The following CDH13 variants were observed in gnomAD, a reference collection of about 807,000 sequenced individuals.
CDH13 encodes cadherin 13, also known as cadherin-13.
CDH13 carries 24 observed loss-of-function variants against 63.8 expected under a neutral mutation model. The ratio of observed to expected loss-of-function variants is 0.38; its 90% CI spans 0.27 to 0.53. CDH13 has a LOEUF of 0.53. CDH13 is among the 20% of genes least tolerant of loss of function. The probability of loss-of-function intolerance (pLI) is 0.85; values close to 1 mark genes in which losing one functional copy is unlikely to be tolerated. For missense variants in CDH13, 1,049 were observed against 903.1 expected, an observed-to-expected ratio of 1.16 and a Z score of -2.07; for synonymous variants, 503 against 355.3, an observed-to-expected ratio of 1.42 and a Z score of -4.67.
chr16:83,572,146 A>T (rs1042665294), intron 7 of CDH13, among the ~76,000 whole-genome samples: 1 of 147,326 alleles, frequency 6.8e-6, no homozygotes. Flanking sequence ...CTAATTGATA[A>T]CTAGGTATTT....
At chr16:82,884,685 A>G (rs1418856563) in intron 2 of CDH13, among the ~76,000 whole-genome samples, 3 of 152,246 alleles carry the variant, frequency 2.0e-5, no homozygotes, top group Non-Finnish European at 2.9e-5. Flanking sequence ...ATGCAATTGA[A>G]CTGGAAACAG....
chr16:83,267,922 G>C (rs1338976370), intron 5 of CDH13, among the ~76,000 whole-genome samples: 1 of 152,208 alleles, frequency 6.6e-6, no homozygotes, highest in Admixed American at 6.5e-5. Context: ...CAGACCAAGT[G>C]AAGTGTCTCT....
At chr16:83,192,298 G>A (rs772254953) in intron 4 of CDH13, among the ~76,000 whole-genome samples, 3 of 152,192 alleles carry the variant, frequency 2.0e-5, no homozygotes, top group Non-Finnish European at 4.4e-5. Context: ...CGTAGTGTCT[G>A]TTGTGTGTCA....
At chr16:82,747,802 C>A (rs565617545) in intron 1 of CDH13, among the ~76,000 whole-genome samples, 20 of 152,302 alleles carry the variant, frequency 1.3e-4, no homozygotes, top group African/African-American at 4.8e-4. Context: ...TTAGGAATAG[C>A]AGAGTATTAG....
At chr16:82,797,295 C>T (rs1334697288) in intron 1 of CDH13, among the ~76,000 whole-genome samples, 1 of 152,158 alleles carries the variant, frequency 6.6e-6, no homozygotes, top group Non-Finnish European at 1.5e-5. Context: ...TGTGGTTCAA[C>T]AGTACAGTGG....
At chr16:83,654,759 C>G (rs1323556401) in intron 8 of CDH13, 1 of 152,262 alleles carries the variant, frequency 6.6e-6, no homozygotes, top group African/African-American at 2.4e-5. Flanking sequence ...CATTCGTCCC[C>G]TTTCTGCATT....
intron 3 of CDH13, among the ~76,000 whole-genome samples, chr16:83,039,004 G>C (rs1370203363): frequency 6.6e-6 from 1 of 152,168 alleles, no homozygotes; most frequent in Non-Finnish European, 1.5e-5. Flanking sequence ...TGTACCTCCA[G>C]GCTTCGTCTT....
chr16:83,774,754 G>A (rs1914990966), intron 11 of CDH13, among the ~76,000 whole-genome samples: 1 of 152,206 alleles, frequency 6.6e-6, no homozygotes, highest in African/African-American at 2.4e-5. Context: ...GAGACAAGGA[G>A]TGGAATGGTG....
intron 1 of CDH13, among the ~76,000 whole-genome samples, chr16:82,728,658 G>T (rs2033232243): frequency 6.6e-6 from 1 of 152,120 alleles, no homozygotes; most frequent in Non-Finnish European, 1.5e-5. Context: ...GATGGTTTCT[G>T]GCTGATCAGG....
In CDH13 at chr16:83,471,566, G is replaced by A. The variant is rs76563748; in HGVS notation, c.782-14911G>A. ...TGGGATTACAGGCGTGAGCCACCTC[G>A]CCTGGCCTTTCTAACCACACTTTTA... is the stretch of plus-strand genomic sequence containing the variant. On this transcript the variant is annotated intron_variant, in intron 6 of 13. Transcript: ENST00000567109. Among the ~76,000 whole-genome samples, 1,180 of 152,236 alleles carry A rather than the reference G, an allele frequency of 7.8e-3. 5 individuals carry two copies. The highest frequency in any genetic ancestry group is 0.013 in the Non-Finnish European group (885 of 68,016).
intron 3 of CDH13, among the ~76,000 whole-genome samples, chr16:83,095,487 T>A (rs1386327298): frequency 6.6e-6 from 1 of 152,220 alleles, no homozygotes; most frequent in Non-Finnish European, 1.5e-5. Flanking sequence ...TTTTGGACAC[T>A]GGTATATCCT....
chr16:82,984,244 C>T lies in CDH13; in HGVS notation c.158-47766C>T, dbSNP rs186058948. 1.6e-4 allele frequency among the ~76,000 whole-genome samples: 25 copies of T among 152,312 alleles called. No individual in the cohort carries two copies. In the East Asian group the frequency reaches 4.4e-3, roughly 27 times the overall value. ...GAATTAGCCAGCCTAATTTGAAAAC[C>T]ACACTGCTTTGTTGAACAGAATTCC... On this transcript the variant is annotated intron_variant, in intron 2 of 13. Coordinates refer to ENST00000567109, the MANE Select transcript of CDH13 (RefSeq NM_001257.5).
chr16:82,741,567 A>G (rs1415892033), intron 1 of CDH13, among the ~76,000 whole-genome samples: 2 of 152,210 alleles, frequency 1.3e-5, no homozygotes, highest in South Asian at 2.1e-4. Flanking sequence ...TTCATTTTCT[A>G]TCGTTAGCAT....
At chr16:83,136,531 G>A (rs1460126438) in intron 4 of CDH13, among the ~76,000 whole-genome samples, 1 of 151,818 alleles carries the variant, frequency 6.6e-6, no homozygotes, top group African/African-American at 2.4e-5. Flanking sequence ...CTAGAGGAAG[G>A]AGAAACATAC....
chr16:82,715,391 C>G (rs1044599060), intron 1 of CDH13, among the ~76,000 whole-genome samples: 1 of 152,236 alleles, frequency 6.6e-6, no homozygotes, highest in Non-Finnish European at 1.5e-5. Flanking sequence ...CCGCCCCATG[C>G]TCTGGTTTCT....
chr16:83,769,723 C>T (rs1008408945), intron 11 of CDH13, among the ~76,000 whole-genome samples: 8 of 152,072 alleles, frequency 5.3e-5, no homozygotes, highest in Non-Finnish European at 8.8e-5. Flanking sequence ...GTGGGAGTTC[C>T]GTGGAGATGT....
chr16:83,201,028 A>G (rs1243000820), intron 4 of CDH13, among the ~76,000 whole-genome samples: 1 of 151,618 alleles, frequency 6.6e-6, no homozygotes, highest in Non-Finnish European at 1.5e-5. Context: ...GGAGGATACC[A>G]GAATATCTCT....
intron 7 of CDH13, among the ~76,000 whole-genome samples, chr16:83,575,075 A>G (rs901455349): frequency 6.6e-6 from 1 of 152,176 alleles, no homozygotes; most frequent in African/African-American, 2.4e-5. Context: ...AAAATGAACG[A>G]AGCACTGTGA....
chr16:83,411,962 G>C (rs1174101990), intron 6 of CDH13, among the ~76,000 whole-genome samples: 2 of 152,210 alleles, frequency 1.3e-5, no homozygotes, highest in Admixed American at 6.5e-5. Flanking sequence ...ATCCAAGCCT[G>C]TGTTCTCTGC....
Sources: allele counts gnomAD v4.1 joint callset (sites outside exome capture counted in the v4.1 genomes callset), GRCh38; gene constraint gnomAD v4.1.1; transcripts MANE v1.5; gene names NCBI Gene and HGNC (gene_info 2026-07-23, HGNC 2026-07-21).